The following TMC7 variants were observed in gnomAD, a reference collection of about 807,000 sequenced individuals.
TMC7 encodes transmembrane channel-like protein 7.
In TMC7, 54 loss-of-function variants were observed where a neutral mutation model predicts 82.9. The observed-to-expected ratio is 0.65, with a 90% CI of 0.52 to 0.82. TMC7 has a LOEUF of 0.82. Among genes scored for constraint, TMC7 ranks in the 40% least tolerant of loss-of-function variants. The pLI, the probability that TMC7 is intolerant of heterozygous loss-of-function variation, is 0.00. For synonymous variants in TMC7, 350 were observed against 337.9 expected (o/e 1.04, Z -0.39); for missense variants, 820 against 901.2 (o/e 0.91, Z 1.15).
chr16:18,999,767 G>GTTTTT (rs2039108850), intron 1 of TMC7, among the ~76,000 whole-genome samples: 1 of 151,514 alleles, frequency 6.6e-6, no homozygotes, highest in Non-Finnish European at 1.5e-5. Flanking sequence ...TTTTGTTTTT[G>GTTTTT]TTTTTGTTTT....
At chr16:19,032,720 C>T (rs566976849) in intron 6 of TMC7, among the ~76,000 whole-genome samples, 22 of 152,122 alleles carry the variant, frequency 1.4e-4, no homozygotes, top group African/African-American at 3.9e-4. Context: ...CTCTGCCTTC[C>T]GGGTTCAAGC....
Position 19,020,774 on chromosome 16 carries a change from C to A in TMC7, c.461-855C>A, listed in dbSNP as rs749961799. 6.8e-4 allele frequency among the ~76,000 whole-genome samples: 104 copies of A among 152,002 alleles called. 1 individual carries two copies. The highest frequency in any genetic ancestry group is 4.3e-4 in the Non-Finnish European group (29 of 67,992). ...GGCTAAGGCGTGAGAATTCCTTGAA[C>A]CCAGGAGGCAGAGGTTGCAGTGAGC... On this transcript the variant is annotated intron_variant, in intron 3 of 15. Transcript: ENST00000304381.
chr16:18,993,336 G>A (rs2038984220), intron 1 of TMC7, among the ~76,000 whole-genome samples: 1 of 152,180 alleles, frequency 6.6e-6, no homozygotes, highest in Admixed American at 6.5e-5. Flanking sequence ...GTTTTAAGAG[G>A]TGGGCTAACA....
rs1454817529 is a variant in TMC7 at position 19,059,471 on chromosome 16, C to A, written c.2083C>A (p.Gln695Lys). 6.2e-7 allele frequency: 1 copy of A among 1,614,112 alleles called. No homozygotes were observed. Among genetic ancestry groups the A allele is most frequent in the East Asian group, 2.2e-5 (1 of 44,888 alleles). Residue 695 changes from glutamine (Q) to lysine (K), a missense_variant, in exon 15 of 16, where the codon CAG (glutamine) becomes AAG (lysine). By Grantham distance (53) the Gln-to-Lys change is moderately conservative. Coordinates refer to ENST00000304381, the MANE Select transcript of TMC7 (RefSeq NM_024847.4). ...TGGAGCACACAAACGGGTGGTCATC[C>A]AGCTCCGAGAGCAGCTATCCCTGGT... ...LAGAHKRVVI[Q>K]LREQLSLESR...
chr16:19,032,368 AATGAG>A (rs1960556667), intron 6 of TMC7, among the ~76,000 whole-genome samples: 1 of 152,130 alleles, frequency 6.6e-6, no homozygotes, highest in South Asian at 2.1e-4. Context: ...ACTATGTACA[AATGAG>A]AAGCAGCCTC....
intron 1 of TMC7, among the ~76,000 whole-genome samples, chr16:18,994,302 C>T (rs527903620): frequency 4.1e-5 from 6 of 147,888 alleles, no homozygotes; most frequent in South Asian, 2.2e-4. Context: ...CAGCAGCAGC[C>T]GCCACATGCA....
chr16:18,984,644 C>T (rs2038811401), intron 1 of TMC7: 2 of 428,606 alleles, frequency 4.7e-6, no homozygotes, highest in African/African-American at 2.2e-5. Flanking sequence ...TAGAATGGGG[C>T]GGGGATTAGC....
Position 19,045,449 on chromosome 16 carries a change from G to C in TMC7, c.1553+11G>C. 1 of 1,591,356 alleles carries C rather than the reference G, an allele frequency of 6.3e-7. No individual in the cohort carries two copies. Among genetic ancestry groups the C allele is most frequent in the Non-Finnish European group, 8.6e-7 (1 of 1,159,282 alleles). ...GGATTTTCCTAGAAAGTAAGTGCGA[G>C]GGGTGCCCATATTATCCCCCCCACC... On this transcript the variant is annotated intron_variant, in intron 11 of 15. Transcript: ENST00000304381.
intron 8 of TMC7, among the ~76,000 whole-genome samples, chr16:19,038,328 T>C (rs1960852993): frequency 6.6e-6 from 1 of 152,114 alleles, no homozygotes; most frequent in Non-Finnish European, 1.5e-5. Flanking sequence ...CCCGAGTAGC[T>C]GGGATTACAG....
At chr16:19,035,497 T>TC (rs1345665272) in intron 6 of TMC7, among the ~76,000 whole-genome samples, 179 bp from the exon 7 acceptor site, 2 of 152,196 alleles carry the variant, frequency 1.3e-5, no homozygotes, top group Non-Finnish European at 2.9e-5. Context: ...AAGGAAAGGA[T>TC]CAACAATGAG....
intron 14 of TMC7, among the ~76,000 whole-genome samples, chr16:19,059,031 C>A (rs1174782412): frequency 1.3e-5 from 2 of 152,278 alleles, no homozygotes; most frequent in East Asian, 3.9e-4. Context: ...GCGTCCACCA[C>A]CACGCCCAGC....
chr16:19,051,750 T>C lies in TMC7; in HGVS notation c.1805T>C (p.Phe602Ser), dbSNP rs199747420. 4 of 1,614,168 alleles carry C rather than the reference T, an allele frequency of 2.5e-6. No individual in the cohort carries two copies. In the Admixed American group the frequency reaches 6.7e-5, roughly 27 times the overall value. Residue 602 changes from phenylalanine (F) to serine (S), a missense_variant, in exon 13 of 16, where the codon TTC becomes TCC. Transcript: ENST00000304381. ...RPFRASNSNF[F>S]FLLVLLIGLC... is the part of the protein sequence containing the mutation. Reference sequence around the variant, plus strand: ...TTCAGAGCATCCAATTCTAATTTCTTCTTCCTGTTGGTGTTGTTGATCGGG... The same window carrying C: ...TTCAGAGCATCCAATTCTAATTTCTCCTTCCTGTTGGTGTTGTTGATCGGG...
At chr16:19,056,094 C>G (rs953672003) in intron 13 of TMC7, among the ~76,000 whole-genome samples, 1 of 145,868 alleles carries the variant, frequency 6.9e-6, no homozygotes, top group Admixed American at 6.9e-5. Flanking sequence ...TTCTTTCTTT[C>G]TTTTTTTTTT....
In TMC7 at chr16:19,061,631, G is replaced by A. The variant is rs181999333; in HGVS notation, c.2107-147G>A. On this transcript the variant is annotated intron_variant, in intron 15 of 15. Transcript: ENST00000304381. The stretch of plus-strand genomic sequence containing the variant: ...AAGGATCGGCTGCTTTGTGGACAAG[G>A]GGCTGTGGAGCAGACACAATGACAG... The A allele has an allele frequency of 3.1e-5, 19 of 606,478 alleles. No individual in the cohort carries two copies. In the Admixed American group the frequency reaches 5.4e-4, roughly 17 times the overall value. The allele number at this position is 606,478 out of a possible 1,614,324, so 37.6% of individuals were successfully genotyped here.
chr16:19,045,865 G>A (rs1289142138), intron 11 of TMC7, among the ~76,000 whole-genome samples: 1 of 151,914 alleles, frequency 6.6e-6, no homozygotes, highest in Non-Finnish European at 1.5e-5. Context: ...CAAAGTGCTG[G>A]GATTATAGGC....
chr16:19,021,144 G>A (rs946085617), intron 3 of TMC7, among the ~76,000 whole-genome samples: 1 of 152,068 alleles, frequency 6.6e-6, no homozygotes, highest in Non-Finnish European at 1.5e-5. Context: ...AAATGCAAAA[G>A]ACCAAAGATA....
Position 19,052,378 on chromosome 16 carries a change from G to A in TMC7, c.1871+562G>A, listed in dbSNP as rs563470339. 7.8e-4 allele frequency among the ~76,000 whole-genome samples: 119 copies of A among 152,224 alleles called. 1 individual carries two copies. In the South Asian group the frequency reaches 0.011, roughly 14 times the overall value. Reference sequence around the variant, plus strand: ...ATTATTTAAACTTTTTAATTTTTCTGTAGAGACAAGGGCTCACTATGTTGC... The same window carrying A: ...ATTATTTAAACTTTTTAATTTTTCTATAGAGACAAGGGCTCACTATGTTGC... On this transcript the variant is annotated intron_variant, in intron 13 of 15. Transcript: ENST00000304381.
At chr16:18,994,736 A>T (rs2039011216) in intron 1 of TMC7, among the ~76,000 whole-genome samples, 1 of 152,196 alleles carries the variant, frequency 6.6e-6, no homozygotes, top group Non-Finnish European at 1.5e-5. Context: ...TCAGATCCTG[A>T]ACTAACCTGT....
At chr16:19,053,385 C>A (rs1961626234) in intron 13 of TMC7, among the ~76,000 whole-genome samples, 1 of 149,174 alleles carries the variant, frequency 6.7e-6, no homozygotes, top group Admixed American at 6.7e-5. Context: ...ACTCTTCTTT[C>A]AAAAATATTT....
Sources: gnomAD v4.1 joint callset for allele counts (sites outside exome capture counted in the v4.1 genomes callset) on GRCh38, gnomAD v4.1.1 for gene constraint, MANE v1.5 for transcripts, NCBI Gene and HGNC (gene_info 2026-07-23, HGNC 2026-07-21) for gene names.